AQR: variants seen among roughly 807,000 people sequenced by gnomAD.
AQR encodes RNA helicase aquarius.
Under a neutral mutation model 180.5 loss-of-function variants are expected in AQR, and 61 were observed. That is an observed-to-expected ratio of 0.34 (90% CI 0.28 to 0.42). The LOEUF is 0.42. Ranked by LOEUF, AQR falls within the 10% of genes least tolerant of loss-of-function variation. AQR has a pLI of 1.00. For missense variants in AQR, 1,281 were observed against 1,798.3 expected (o/e 0.71, Z 5.20); for synonymous variants, 551 against 588.8 (o/e 0.94, Z 0.93).
intron 3 of AQR, among the ~76,000 whole-genome samples, chr15:34,959,338 G>GT (rs1315655146): frequency 6.6e-6 from 1 of 152,022 alleles, no homozygotes; most frequent in Non-Finnish European, 1.5e-5. Context: ...AATTTTTTGT[G>GT]TTTTTTCTGG....
chr15:34,889,278 T>C (rs1222022140), intron 24 of AQR, among the ~76,000 whole-genome samples: 2 of 152,202 alleles, frequency 1.3e-5, no homozygotes, highest in African/African-American at 2.4e-5. Context: ...CTCTGCAACA[T>C]AGTGACTTTT....
intron 16 of AQR, among the ~76,000 whole-genome samples, chr15:34,912,962 T>C (rs1404244556): frequency 6.6e-6 from 1 of 152,200 alleles, no homozygotes; most frequent in Non-Finnish European, 1.5e-5. Flanking sequence ...TGGGACAATG[T>C]CTAAAAGGAA....
rs777800855 is a variant in AQR at position 34,863,061 on chromosome 15, T to C, written c.3855-20A>G. The C allele has an allele frequency of 1.3e-6, 2 of 1,598,146 alleles. No homozygotes were observed. The highest frequency in any genetic ancestry group is 1.7e-6 in the Non-Finnish European group (2 of 1,173,332). ...ACATCCCTTTGGGAAATAAACAAAA[T>C]AATTAGCACACTTCAAGATTATTAA... On this transcript the variant is annotated intron_variant, in intron 32 of 34. Coordinates refer to ENST00000156471, the MANE Select transcript of AQR (RefSeq NM_014691.3).
chr15:34,955,100 G>T (rs1894289239), intron 3 of AQR, among the ~76,000 whole-genome samples: 1 of 152,120 alleles, frequency 6.6e-6, no homozygotes, highest in Non-Finnish European at 1.5e-5. Flanking sequence ...TCCAGCCCAG[G>T]TGACAGAGTG....
At position 34,855,258 on chromosome 15, in the gene AQR, T is replaced by C. The variant is rs920787151; in HGVS notation, c.*1534A>G. 1 of 152,240 alleles carries C rather than the reference T, an allele frequency of 6.6e-6. No homozygotes were observed. Among genetic ancestry groups the C allele is most frequent in the Non-Finnish European group, 1.5e-5 (1 of 68,052 alleles). The allele number at this position is 152,240 out of a possible 1,614,324, so 9.4% of individuals were successfully genotyped here. Reference sequence around the variant, plus strand: ...TGAGCAAACACTAGTCACTCAAAAATATAACTGACTTGACTTTCTGGGTTT... The same window carrying C: ...TGAGCAAACACTAGTCACTCAAAAACATAACTGACTTGACTTTCTGGGTTT... On this transcript the variant is annotated 3_prime_UTR_variant, in exon 35 of 35. Transcript: ENST00000156471.
chr15:34,917,010 C>T (rs989020026), intron 15 of AQR, among the ~76,000 whole-genome samples: 3 of 152,054 alleles, frequency 2.0e-5, no homozygotes, highest in Non-Finnish European at 2.9e-5. Flanking sequence ...CTCCTATGTG[C>T]CCTTTCCTGG....
Position 34,878,385 on chromosome 15 carries a change from CAAAAAAAAAAAA to C in AQR, c.3166-2391_3166-2380del, listed in dbSNP as rs5811839. Among the ~76,000 whole-genome samples the C allele has an allele frequency of 7.2e-5, 3 of 41,660 alleles. No homozygotes were observed. The Admixed American group carries it at 8.1e-4, about 11-fold the overall frequency. The allele number at this position is 41,660 out of a possible 152,430, so 27.3% of individuals were successfully genotyped here. On this transcript the variant is annotated intron_variant, in intron 27 of 34. Transcript: ENST00000156471. The stretch of plus-strand genomic sequence containing the variant: ...TGGGAAAAAGAATGAGACTCTGTCT[CAAAAAAAAAAAA>C]AAAAAAAAAAAAAGGAGATAGCTCA...
intron 4 of AQR, 56 bp from the exon 5 acceptor site, chr15:34,948,440 A>G (rs1481633841): frequency 1.3e-6 from 2 of 1,548,294 alleles, no homozygotes; most frequent in Non-Finnish European, 1.7e-6. Flanking sequence ...TCACTGTAAT[A>G]CATAACTCAC....
chr15:34,966,748 G>A (rs1460828285), intron 1 of AQR, among the ~76,000 whole-genome samples: 1 of 152,156 alleles, frequency 6.6e-6, no homozygotes, highest in Admixed American at 6.6e-5. Flanking sequence ...TGTGAGAAAG[G>A]AAGGTTCTCA....
At chr15:34,938,313 C>T (rs905507724) in intron 9 of AQR, among the ~76,000 whole-genome samples, 1 of 152,028 alleles carries the variant, frequency 6.6e-6, no homozygotes, top group Non-Finnish European at 1.5e-5. Flanking sequence ...GTGGATGGAT[C>T]ACTTGAGGTC....
At chr15:34,918,960 C>A (rs1049811952) in intron 14 of AQR, among the ~76,000 whole-genome samples, 3 of 152,044 alleles carry the variant, frequency 2.0e-5, no homozygotes, top group African/African-American at 7.2e-5. Context: ...AGTGTTACAC[C>A]GGGTGCAGTG....
At chr15:34,894,726 G>A (rs1203457278) in intron 22 of AQR, among the ~76,000 whole-genome samples, 1 of 151,918 alleles carries the variant, frequency 6.6e-6, no homozygotes, top group Non-Finnish European at 1.5e-5. Flanking sequence ...GGGGAAGGAA[G>A]GTAAAGGAAA....
chr15:34,861,237 C>T (rs1260746803), intron 33 of AQR, among the ~76,000 whole-genome samples: 2 of 152,198 alleles, frequency 1.3e-5, no homozygotes, highest in Non-Finnish European at 2.9e-5. Context: ...AGCATTCCAT[C>T]TAAGCAGGTA....
At chr15:34,920,464 T>C (rs747691620) in intron 13 of AQR, 30 bp from the exon 14 acceptor site, 4 of 1,501,096 alleles carry the variant, frequency 2.7e-6, no homozygotes, top group Non-Finnish European at 2.8e-6. Context: ...ATTTTATTCA[T>C]AGTAACTTAC....
chr15:34,904,273 T>C, intron 19 of AQR, 63 bp downstream of exon 19: 1 of 1,254,210 alleles, frequency 8.0e-7, no homozygotes, highest in Non-Finnish European at 1.1e-6. Context: ...TATCTCTGTA[T>C]TTATGTCATA....
intron 27 of AQR, among the ~76,000 whole-genome samples, chr15:34,880,063 T>C (rs1251597410): frequency 1.3e-5 from 2 of 152,100 alleles, no homozygotes; most frequent in Non-Finnish European, 2.9e-5. Flanking sequence ...AGAACAAAAA[T>C]GTAAAACAAA....
chr15:34,948,261 T>A lies in AQR; in HGVS notation c.330+3A>T. ...AAGCTATGAAGTACTTTAAATCAGT[T>A]ACCTCCCATGCAGGCACGTTTTCTC... On this transcript the variant is annotated splice_donor_region_variant and intron_variant, in intron 5 of 34. Transcript: ENST00000156471. 1.9e-6 allele frequency: 3 copies of A among 1,613,434 alleles called. No individual in the cohort carries two copies. The highest frequency in any genetic ancestry group is 2.5e-6 in the Non-Finnish European group (3 of 1,179,846).
At chr15:34,964,129 T>C in intron 2 of AQR, 105 bp downstream of exon 2, 1 of 788,012 alleles carries the variant, frequency 1.3e-6, no homozygotes, top group Non-Finnish European at 2.0e-6. Flanking sequence ...TGTAGATCGT[T>C]AGGTTGTTTT....
intron 3 of AQR, among the ~76,000 whole-genome samples, chr15:34,955,770 G>T (rs541336654): frequency 6.6e-6 from 1 of 152,102 alleles, no homozygotes; most frequent in East Asian, 1.9e-4. Flanking sequence ...TTAGCTAGGC[G>T]TGGTGGCGGG....
Sources: allele counts gnomAD v4.1 joint callset (sites outside exome capture counted in the v4.1 genomes callset), GRCh38; gene constraint gnomAD v4.1.1; transcripts MANE v1.5; gene names NCBI Gene and HGNC (gene_info 2026-07-23, HGNC 2026-07-21).